Variants in SLIT2 observed in about 807,000 individuals in gnomAD.
SLIT2 encodes the protein slit guidance ligand 2.
SLIT2 carries 41 observed loss-of-function variants against 185.7 expected under a neutral mutation model. The ratio of observed to expected loss-of-function variants is 0.22; its 90% CI spans 0.17 to 0.29. SLIT2 has a LOEUF of 0.29. Ranked by LOEUF, SLIT2 falls within the 10% of genes least tolerant of loss-of-function variation. The pLI is 1.00. For missense variants in SLIT2, 1,571 were observed against 1,909.0 expected (o/e 0.82, Z 3.30); for synonymous variants, 693 against 680.2 (o/e 1.02, Z -0.29).
At chr4:20,373,377 A>G (rs990391797) in intron 4 of SLIT2, among the ~76,000 whole-genome samples, 1 of 152,106 alleles carries the variant, frequency 6.6e-6, no homozygotes, top group African/African-American at 2.4e-5. Context: ...TTTATAAAAT[A>G]ATTTCTCCTA....
intron 4 of SLIT2, among the ~76,000 whole-genome samples, chr4:20,310,685 C>G (rs1057479192): frequency 6.6e-6 from 1 of 152,182 alleles, no homozygotes; most frequent in African/African-American, 2.4e-5. Flanking sequence ...CCTAAACCCA[C>G]GCCCCTGCAG....
chr4:20,464,516 T>A (rs1449375341), intron 4 of SLIT2, among the ~76,000 whole-genome samples: 1 of 152,202 alleles, frequency 6.6e-6, no homozygotes, highest in African/African-American at 2.4e-5. Context: ...CCTCGGCAGC[T>A]CCATCCCACT....
At chr4:20,273,448 T>C (rs940658851) in intron 4 of SLIT2, among the ~76,000 whole-genome samples, 1 of 152,108 alleles carries the variant, frequency 6.6e-6, no homozygotes, top group Non-Finnish European at 1.5e-5. Flanking sequence ...CTTTAGAAGC[T>C]CTCATCAAGT....
intron 26 of SLIT2, among the ~76,000 whole-genome samples, chr4:20,557,478 G>C (rs1022295970): frequency 3.9e-5 from 6 of 152,122 alleles, no homozygotes; most frequent in African/African-American, 1.4e-4. Context: ...CCTGTTTACA[G>C]CATGGTTTCC....
intron 4 of SLIT2, among the ~76,000 whole-genome samples, chr4:20,438,090 C>T (rs896957572): frequency 3.9e-5 from 6 of 152,058 alleles, no homozygotes; most frequent in East Asian, 1.9e-4. Flanking sequence ...GCACTCACCC[C>T]GTTTCTGGAA....
At chr4:20,259,911 C>T (rs893275755) in intron 3 of SLIT2, among the ~76,000 whole-genome samples, 1 of 151,732 alleles carries the variant, frequency 6.6e-6, no homozygotes, top group African/African-American at 2.4e-5. Context: ...TTACAACTGC[C>T]AAATCCATCT....
At chr4:20,602,348 T>C (rs1050855521) in intron 33 of SLIT2, among the ~76,000 whole-genome samples, 4 of 152,232 alleles carry the variant, frequency 2.6e-5, no homozygotes, top group African/African-American at 9.6e-5. Context: ...GTAGTTAACA[T>C]AGCTTGAAGT....
chr4:20,357,475 C>T (rs1266073682), intron 4 of SLIT2, among the ~76,000 whole-genome samples: 1 of 152,014 alleles, frequency 6.6e-6, no homozygotes, highest in Non-Finnish European at 1.5e-5. Flanking sequence ...ACAGTTAGTT[C>T]AAGTTTCTAA....
At chr4:20,598,045 TTC>T (rs566142857) in intron 32 of SLIT2, among the ~76,000 whole-genome samples, 182 of 152,336 alleles carry the variant, frequency 1.2e-3, no homozygotes, top group Admixed American at 5.0e-3. Flanking sequence ...ACTTGAGGAT[TTC>T]TTATTGTTCT....
At chr4:20,275,402 G>C (rs1714068118) in intron 4 of SLIT2, among the ~76,000 whole-genome samples, 1 of 152,072 alleles carries the variant, frequency 6.6e-6, no homozygotes, top group African/African-American at 2.4e-5. Flanking sequence ...GTAAAATTTA[G>C]ATTCCATATT....
chr4:20,596,667 C>A lies in SLIT2; in HGVS notation c.3561+12C>A. ...ACATAACACTTCAGGTAAGAGATCT[C>A]TCTCTATGGAGAGATGATCGGATCT... On this transcript the variant is annotated intron_variant, in intron 32 of 36. Coordinates refer to ENST00000504154, the MANE Select transcript of SLIT2 (RefSeq NM_004787.4). The A allele has an allele frequency of 1.2e-6, 2 of 1,608,450 alleles. No individual in the cohort carries two copies. Among genetic ancestry groups the A allele is most frequent in the South Asian group, 2.2e-5 (2 of 90,858 alleles).
intron 15 of SLIT2, among the ~76,000 whole-genome samples, chr4:20,526,561 A>G (rs1361478204): frequency 6.6e-6 from 1 of 152,200 alleles, no homozygotes; most frequent in Non-Finnish European, 1.5e-5. Flanking sequence ...TCATTTAAAT[A>G]TACTTAATTA....
chr4:20,416,637 A>G (rs1560404672), intron 4 of SLIT2, among the ~76,000 whole-genome samples: 1 of 152,158 alleles, frequency 6.6e-6, no homozygotes, highest in Admixed American at 6.5e-5. Flanking sequence ...TTCATGTTAG[A>G]TGATTATTTG....
At chr4:20,372,618 T>G (rs950290621) in intron 4 of SLIT2, among the ~76,000 whole-genome samples, 1 of 152,056 alleles carries the variant, frequency 6.6e-6, no homozygotes, top group African/African-American at 2.4e-5. Context: ...AAGGACCCTA[T>G]TTTCCATTTT....
Position 20,523,816 on chromosome 4 carries a change from A to G in SLIT2, c.1187A>G (p.His396Arg), listed in dbSNP as rs778713171. The change falls in exon 13 of 37, where the codon CAC (histidine) becomes CGC (arginine). Residue 396 changes from histidine to arginine, a missense_variant. Around this residue, in one of 3 missense-constraint regions of SLIT2, gnomAD observed 1,202 missense variants for 1,416.4 expected, o/e 0.85. Transcript: ENST00000504154. ...CLRVDAFQDL[H>R]NLNLLSLYDN... ...CGGGTAGATGCTTTTCAGGATCTCCACAACTTGAACCTTCTCTCCCTATAT... is the reference window on the plus strand; with the variant it reads ...CGGGTAGATGCTTTTCAGGATCTCCGCAACTTGAACCTTCTCTCCCTATAT... 6.2e-7 allele frequency: 1 copy of G among 1,614,032 alleles called. No homozygotes were observed. The highest frequency in any genetic ancestry group is 8.5e-7 in the Non-Finnish European group (1 of 1,179,870).
At chr4:20,390,757 T>C (rs1725344648) in intron 4 of SLIT2, among the ~76,000 whole-genome samples, 1 of 150,734 alleles carries the variant, frequency 6.6e-6, no homozygotes, top group Non-Finnish European at 1.5e-5. Context: ...GAAAAAGATC[T>C]TATTTTTTTT....
chr4:20,537,628 A>G (rs975110340), intron 18 of SLIT2, among the ~76,000 whole-genome samples: 1 of 152,150 alleles, frequency 6.6e-6, no homozygotes, highest in Non-Finnish European at 1.5e-5. Flanking sequence ...AGCACCTGAG[A>G]CAGATATTCA....
chr4:20,527,116 C>T (rs1432672996), intron 15 of SLIT2, among the ~76,000 whole-genome samples: 2 of 152,156 alleles, frequency 1.3e-5, no homozygotes, highest in Non-Finnish European at 2.9e-5. Flanking sequence ...TTGAAAAGTT[C>T]ATTAAAAAGT....
At chr4:20,591,328 G>A (rs1270091739) in intron 30 of SLIT2, among the ~76,000 whole-genome samples, 3 of 152,106 alleles carry the variant, frequency 2.0e-5, no homozygotes, top group Non-Finnish European at 4.4e-5. Flanking sequence ...TAAGTCGGGT[G>A]GGAGAGTGGG....
Sources: gnomAD v4.1 joint callset for allele counts (sites outside exome capture counted in the v4.1 genomes callset) on GRCh38, gnomAD v4.1.1 for gene constraint, gnomAD v4.1.1 regional missense constraint, MANE v1.5 for transcripts, NCBI Gene and HGNC (gene_info 2026-07-23, HGNC 2026-07-21) for gene names.